Variants in MAL observed in about 807,000 individuals in gnomAD.
MAL encodes the protein mal, T cell differentiation protein (MAL blood group).
MAL carries 5 observed loss-of-function variants against 16.7 expected under a neutral mutation model. That is an observed-to-expected ratio of 0.30 (90% confidence interval 0.16 to 0.63). The LOEUF is 0.63. Among genes scored for constraint, MAL ranks in the 30% least tolerant of loss-of-function variants. The probability of loss-of-function intolerance (pLI) is 0.82; values close to 1 mark genes in which losing one functional copy is unlikely to be tolerated. For synonymous variants in MAL, 96 were observed against 85.5 expected, an observed-to-expected ratio of 1.12 and a Z score of -0.67; for missense variants, 202 against 195.8, an observed-to-expected ratio of 1.03 and a Z score of -0.19.
intron 1 of MAL, among the ~76,000 whole-genome samples, chr2:95,039,439 A>T (rs1405418842): frequency 1.4e-5 from 2 of 147,540 alleles, no homozygotes; most frequent in African/African-American, 2.5e-5. Context: ...TGAGTGACTG[A>T]GTGAGTGAGT....
chr2:95,040,642 T>TG (rs1361453852), intron 1 of MAL, among the ~76,000 whole-genome samples: 1 of 151,908 alleles, frequency 6.6e-6, no homozygotes, highest in African/African-American at 2.4e-5. Flanking sequence ...GAAACATGAG[T>TG]GGGGGGTGCT....
At chr2:95,028,729 A>G (rs1308716601) in intron 1 of MAL, among the ~76,000 whole-genome samples, 1 of 152,240 alleles carries the variant, frequency 6.6e-6, no homozygotes, top group South Asian at 2.1e-4. Context: ...ATAGAAAGGA[A>G]TGAAGTACTG....
Position 95,052,399 on chromosome 2 carries a change from G to A in MAL, c.388-982G>A, listed in dbSNP as rs541249462. Among the ~76,000 whole-genome samples the A allele has an allele frequency of 2.6e-5, 4 of 152,280 alleles. No homozygotes were observed. The South Asian group carries it at 6.2e-4, about 24-fold the overall frequency. On this transcript the variant is annotated intron_variant, in intron 3 of 3. Coordinates refer to ENST00000309988, the MANE Select transcript of MAL (RefSeq NM_002371.4). ...GAGGGCTGCCCACTGGTGTCTGACT[G>A]CTCCTGCCCAGATACGTTCTCTTAA... is the stretch of plus-strand genomic sequence containing the variant.
chr2:95,042,108 G>T (rs763567842), intron 1 of MAL, among the ~76,000 whole-genome samples: 3 of 152,282 alleles, frequency 2.0e-5, no homozygotes, highest in Admixed American at 6.5e-5. Flanking sequence ...GGCAAGAAAG[G>T]GTTCCAAGCT....
intron 1 of MAL, among the ~76,000 whole-genome samples, chr2:95,037,708 CTGAG>C (rs1266779403): frequency 5.8e-5 from 7 of 120,682 alleles, no homozygotes; most frequent in Admixed American, 2.4e-4. Context: ...GAGTGAGTGA[CTGAG>C]TGAGTGACTG....
intron 1 of MAL, among the ~76,000 whole-genome samples, chr2:95,029,733 T>C (rs1339664430): frequency 6.6e-6 from 1 of 152,176 alleles, no homozygotes; most frequent in Non-Finnish European, 1.5e-5. Flanking sequence ...AGCTGATGTT[T>C]AATTAAGTTC....
chr2:95,037,440 GTGAC>G (rs1674256488), intron 1 of MAL, among the ~76,000 whole-genome samples: 2 of 151,298 alleles, frequency 1.3e-5, no homozygotes, highest in African/African-American at 2.4e-5. Flanking sequence ...GAGTGACTGA[GTGAC>G]TGAGTGAGTG....
At chr2:95,026,472 C>G (rs1673940381) in intron 1 of MAL, 1 of 136,506 alleles carries the variant, frequency 7.3e-6, no homozygotes, top group Non-Finnish European at 1.5e-5. Context: ...CGCAGTCCTT[C>G]TGCCCCGTGT....
At chr2:95,038,290 G>A (rs1336783667) in intron 1 of MAL, among the ~76,000 whole-genome samples, 4 of 151,486 alleles carry the variant, frequency 2.6e-5, no homozygotes, top group Non-Finnish European at 5.9e-5. Context: ...CCGAGTGGGT[G>A]AGTGAGTGAC....
At chr2:95,048,198 G>A in intron 2 of MAL, 72 bp downstream of exon 2, 1 of 1,466,972 alleles carries the variant, frequency 6.8e-7, no homozygotes. Flanking sequence ...CCAGTAGGAT[G>A]GGCTTTTCCA....
intron 1 of MAL, among the ~76,000 whole-genome samples, chr2:95,039,358 G>C (rs1674378044): frequency 6.6e-6 from 1 of 150,564 alleles, no homozygotes; most frequent in African/African-American, 2.5e-5. Flanking sequence ...GTGACTGACT[G>C]ACTGACTGAG....
chr2:95,035,425 A>G (rs538304709), intron 1 of MAL, among the ~76,000 whole-genome samples: 1 of 152,294 alleles, frequency 6.6e-6, no homozygotes, highest in African/African-American at 2.4e-5. Flanking sequence ...TGCCTATCAG[A>G]AAGCCCCTAG....
rs1447526927 is a variant in MAL, at chr2:95,025,775, C to A, written c.-18C>A. 4 of 1,519,472 alleles carry A rather than the reference C, an allele frequency of 2.6e-6. No individual in the cohort carries two copies. Among genetic ancestry groups the A allele is most frequent in the Non-Finnish European group, 3.5e-6 (4 of 1,129,452 alleles). The allele number at this position is 1,519,472 out of a possible 1,614,324, so 94.1% of individuals were successfully genotyped here. A position where few individuals can be genotyped will look rare whatever the true frequency, so the allele number is the denominator to read the frequency against. On this transcript the variant is annotated 5_prime_UTR_variant, in exon 1 of 4. Coordinates refer to ENST00000309988, the MANE Select transcript of MAL (RefSeq NM_002371.4). This position sits in a 1 kb window ranked among gnomAD's most constrained non-coding sequence, Gnocchi z 5.6. ...AGCGGCGCTCGTCCCGTCCCAAGGCCGACGCCAGCACGCCGTCATGGCCCC... is the reference window on the plus strand; with the variant it reads ...AGCGGCGCTCGTCCCGTCCCAAGGCAGACGCCAGCACGCCGTCATGGCCCC...
At chr2:95,045,993 C>T (rs1353310462) in intron 1 of MAL, among the ~76,000 whole-genome samples, 1 of 152,206 alleles carries the variant, frequency 6.6e-6, no homozygotes, top group Non-Finnish European at 1.5e-5. Flanking sequence ...ACCTAAGATC[C>T]ATCAGCAGAG....
intron 1 of MAL, chr2:95,026,293 T>C (rs2104321183): frequency 1.2e-5 from 2 of 164,740 alleles, no homozygotes; most frequent in South Asian, 4.1e-4. Context: ...GAAGGTTTCG[T>C]TAAAAAAGAA....
At chr2:95,026,177 G>A (rs986326787) in intron 1 of MAL, among the ~76,000 whole-genome samples, 2 of 152,118 alleles carry the variant, frequency 1.3e-5, no homozygotes, top group African/African-American at 2.4e-5. Context: ...CTCTTGGTTC[G>A]CTGGTCCCAA....
At position 95,025,713 on chromosome 2, in the gene MAL, G is replaced by C; in HGVS notation, c.-80G>C. 1.0e-6 allele frequency: 1 copy of C among 985,942 alleles called. No individual in the cohort carries two copies. Among genetic ancestry groups the C allele is most frequent in the Non-Finnish European group, 1.4e-6 (1 of 707,190 alleles). The allele number at this position is 985,942 out of a possible 1,614,324, so 61.1% of individuals were successfully genotyped here. On this transcript the variant is annotated 5_prime_UTR_variant, in exon 1 of 4. Transcript: ENST00000309988. This position sits in a 1 kb window ranked among gnomAD's most constrained non-coding sequence, Gnocchi z 5.6. ...CGCGCGGGGGCGCCCAGGCCACTGGGCTCCGCGGAGCCAGCGAGAGGTCTG... is the reference window on the plus strand; with the variant it reads ...CGCGCGGGGGCGCCCAGGCCACTGGCCTCCGCGGAGCCAGCGAGAGGTCTG...
At chr2:95,044,153 A>C (rs945779473) in intron 1 of MAL, 3 of 152,248 alleles carry the variant, frequency 2.0e-5, no homozygotes, top group Non-Finnish European at 4.4e-5. Context: ...TAAATGAAAG[A>C]AGTGAGCCAC....
intron 1 of MAL, among the ~76,000 whole-genome samples, chr2:95,039,012 GTGAGTCAGTGAC>G (rs1674352286): frequency 6.6e-6 from 1 of 151,404 alleles, no homozygotes; most frequent in Non-Finnish European, 1.5e-5. Flanking sequence ...GACTGAGTGG[GTGAGTCAGTGAC>G]TGAGTGAGTG....
Sources: allele counts gnomAD v4.1 joint callset (sites outside exome capture counted in the v4.1 genomes callset), GRCh38; gene constraint gnomAD v4.1.1; non-coding constraint Gnocchi (gnomAD v3.1); transcripts MANE v1.5; gene names NCBI Gene and HGNC (gene_info 2026-07-23, HGNC 2026-07-21).